PAN3: variants seen among roughly 807,000 people sequenced by gnomAD.
PAN3 encodes the protein poly(A) specific ribonuclease subunit PAN3.
A neutral mutation model predicts 96.2 loss-of-function variants in PAN3; 19 were observed. The observed-to-expected ratio is 0.20, with a 90% CI of 0.14 to 0.29. The LOEUF is 0.29. PAN3 is among the 10% of genes least tolerant of loss of function. The pLI, the probability that PAN3 is intolerant of heterozygous loss-of-function variation, is 1.00. For synonymous variants in PAN3, 433 were observed against 406.6 expected (o/e 1.06, Z -0.78); for missense variants, 882 against 1,108.1 (o/e 0.80, Z 2.90).
chr13:28,236,043 T>C (rs1883074719), intron 6 of PAN3, among the ~76,000 whole-genome samples: 1 of 152,116 alleles, frequency 6.6e-6, no homozygotes, highest in South Asian at 2.1e-4. Flanking sequence ...CATGTTAGTT[T>C]TATACGTATT....
In PAN3 at chr13:28,149,371, C is replaced by T. The variant is rs180991111; in HGVS notation, c.430+10284C>T. 3.2e-3 allele frequency among the ~76,000 whole-genome samples: 490 copies of T among 152,164 alleles called. 3 individuals are homozygous for T. Among genetic ancestry groups the T allele is most frequent in the African/African-American group, 0.011 (461 of 41,516 alleles). ...CTCCACAAAAAAGAAAAAAGAAACTCACTGTATTTATATACCATTGGTTGA... is the reference window on the plus strand; with the variant it reads ...CTCCACAAAAAAGAAAAAAGAAACTTACTGTATTTATATACCATTGGTTGA... On this transcript the variant is annotated intron_variant, in intron 1 of 18. Transcript: ENST00000380958.
intron 6 of PAN3, among the ~76,000 whole-genome samples, chr13:28,255,718 T>C (rs373686360): frequency 1.3e-5 from 2 of 152,042 alleles, no homozygotes; most frequent in African/African-American, 2.4e-5. Context: ...ACTAAAAATA[T>C]GGCACTTAAG....
At chr13:28,222,161 A>G (rs1171647716) in intron 6 of PAN3, among the ~76,000 whole-genome samples, 1 of 152,208 alleles carries the variant, frequency 6.6e-6, no homozygotes, top group Middle Eastern at 3.2e-3. Context: ...GGAGTTAAAA[A>G]TATTAAAGGG....
At chr13:28,197,140 G>T in intron 4 of PAN3, 45 bp from the exon 5 acceptor site, 3 of 1,587,530 alleles carry the variant, frequency 1.9e-6, no homozygotes, top group South Asian at 2.3e-5. Flanking sequence ...AGATTAGTGT[G>T]GGGGATGTTA....
chr13:28,187,656 G>A (rs1247819961), intron 4 of PAN3, among the ~76,000 whole-genome samples: 2 of 152,150 alleles, frequency 1.3e-5, no homozygotes, highest in East Asian at 1.9e-4. Context: ...CTACAAATAC[G>A]TGTATATGTG....
intron 4 of PAN3, among the ~76,000 whole-genome samples, chr13:28,192,618 T>C (rs1273975965): frequency 3.3e-5 from 5 of 152,246 alleles, no homozygotes; most frequent in African/African-American, 1.2e-4. Flanking sequence ...TATTCATACA[T>C]GATTACTTAT....
intron 18 of PAN3, among the ~76,000 whole-genome samples, chr13:28,292,090 T>C (rs901349178): frequency 2.6e-5 from 4 of 152,188 alleles, no homozygotes; most frequent in Non-Finnish European, 4.4e-5. Flanking sequence ...CTGTAATTTA[T>C]TATGCCAAAA....
intron 17 of PAN3, among the ~76,000 whole-genome samples, chr13:28,284,207 ATGCAGTTTTATGTTCTATG>A (rs902242834): frequency 1.3e-4 from 20 of 152,164 alleles, no homozygotes; most frequent in Admixed American, 1.2e-3. Flanking sequence ...TTGAATTTAA[ATGCAGTTTTATGTTCTATG>A]TACTCTTAAC....
intron 6 of PAN3, among the ~76,000 whole-genome samples, chr13:28,247,515 G>T (rs980343274): frequency 6.6e-6 from 1 of 152,058 alleles, no homozygotes; most frequent in African/African-American, 2.4e-5. Flanking sequence ...TGCCCAGACT[G>T]ATGTCCTGAG....
At chr13:28,238,790 A>AT (rs1301208603) in intron 6 of PAN3, among the ~76,000 whole-genome samples, 1 of 151,910 alleles carries the variant, frequency 6.6e-6, no homozygotes, top group African/African-American at 2.4e-5. Context: ...TCCTTTTCTT[A>AT]TTTTTTCCCC....
At chr13:28,155,199 G>A (rs971950018) in intron 1 of PAN3, among the ~76,000 whole-genome samples, 5 of 152,070 alleles carry the variant, frequency 3.3e-5, no homozygotes, top group Non-Finnish European at 4.4e-5. Flanking sequence ...ACTAAATGAC[G>A]TAGTATATGT....
intron 5 of PAN3, among the ~76,000 whole-genome samples, chr13:28,206,440 C>G (rs1036939630): frequency 2.0e-5 from 3 of 150,140 alleles, no homozygotes; most frequent in African/African-American, 7.4e-5. Context: ...TCTCCTATCT[C>G]AGCCTCCCAA....
chr13:28,240,570 T>C (rs1185020294), intron 6 of PAN3, among the ~76,000 whole-genome samples: 1 of 152,240 alleles, frequency 6.6e-6, no homozygotes, highest in African/African-American at 2.4e-5. Context: ...ATATCTTTGA[T>C]TGATTAGGCT....
chr13:28,205,592 C>T (rs759408801), intron 5 of PAN3, among the ~76,000 whole-genome samples: 2 of 152,060 alleles, frequency 1.3e-5, no homozygotes, highest in African/African-American at 4.8e-5. Context: ...AATCCCAGCA[C>T]TTTGGGAGGC....
chr13:28,214,761 A>G (rs1880521238), intron 5 of PAN3: 2 of 555,138 alleles, frequency 3.6e-6, no homozygotes, highest in Non-Finnish European at 6.6e-6. Flanking sequence ...CTTGAGACCA[A>G]CAAGTACTAC....
At chr13:28,158,085 C>T (rs948237926) in intron 1 of PAN3, among the ~76,000 whole-genome samples, 12 of 152,142 alleles carry the variant, frequency 7.9e-5, no homozygotes, top group Non-Finnish European at 1.3e-4. Context: ...TTGACAAAAA[C>T]GAGCAATGGG....
At chr13:28,268,319 A>G (rs74387481) in intron 12 of PAN3, among the ~76,000 whole-genome samples, 1,562 of 152,190 alleles carry the variant, frequency 0.01, 25 homozygotes, top group African/African-American at 0.035. Flanking sequence ...AATGATTCCT[A>G]TTATGACTAT....
intron 6 of PAN3, among the ~76,000 whole-genome samples, chr13:28,245,973 A>G (rs56055766): frequency 0.036 from 5,549 of 152,230 alleles, 311 homozygotes; most frequent in African/African-American, 0.13. Context: ...TAATGCTACT[A>G]TGAGCATTCA....
intron 6 of PAN3, among the ~76,000 whole-genome samples, chr13:28,254,212 C>T (rs906096759): frequency 6.6e-6 from 1 of 152,148 alleles, no homozygotes; most frequent in African/African-American, 2.4e-5. Context: ...ATTAAATCAA[C>T]CTGAGTTTGA....
Sources: allele counts gnomAD v4.1 joint callset (sites outside exome capture counted in the v4.1 genomes callset), GRCh38; gene constraint gnomAD v4.1.1; transcripts MANE v1.5; gene names NCBI Gene and HGNC (gene_info 2026-07-23, HGNC 2026-07-21).